The following PELI2 variants were observed in gnomAD, a reference collection of about 807,000 sequenced individuals.
PELI2 encodes the protein E3 ubiquitin-protein ligase pellino homolog 2.
In PELI2, 23 loss-of-function variants were observed where a neutral mutation model predicts 42.3. The ratio of observed to expected loss-of-function variants is 0.54; its 90% CI spans 0.39 to 0.77. The LOEUF (loss-of-function observed/expected upper bound fraction) is 0.77. Ranked by LOEUF, PELI2 falls within the 30% of genes least tolerant of loss-of-function variation. PELI2 has a pLI of 0.00. For missense variants in PELI2, 463 were observed against 553.2 expected (o/e 0.84, Z 1.64); for synonymous variants, 245 against 212.2 (o/e 1.15, Z -1.34).
chr14:56,170,003 A>G (rs1885107678), intron 1 of PELI2, among the ~76,000 whole-genome samples: 1 of 152,196 alleles, frequency 6.6e-6, no homozygotes, highest in Non-Finnish European at 1.5e-5. Context: ...AGGGTGAGCT[A>G]CCTCAAGACT....
chr14:56,129,353 G>A (rs576021050), intron 1 of PELI2, among the ~76,000 whole-genome samples: 7 of 150,880 alleles, frequency 4.6e-5, no homozygotes, highest in Admixed American at 1.3e-4. Context: ...CCTTCTGTGC[G>A]ATGGCAAGGG....
chr14:56,259,224 G>A (rs1888631425), intron 2 of PELI2, among the ~76,000 whole-genome samples: 1 of 152,050 alleles, frequency 6.6e-6, no homozygotes, highest in African/African-American at 2.4e-5. Context: ...AAATGTTAAA[G>A]TTTTTCAGGC....
intron 2 of PELI2, among the ~76,000 whole-genome samples, chr14:56,275,445 T>C (rs1889257844): frequency 6.6e-6 from 1 of 152,314 alleles, no homozygotes; most frequent in South Asian, 2.1e-4. Context: ...CACCATAATA[T>C]AGAATCAGTG....
At chr14:56,146,161 C>T (rs561693202) in intron 1 of PELI2, among the ~76,000 whole-genome samples, 25 of 152,188 alleles carry the variant, frequency 1.6e-4, no homozygotes, top group African/African-American at 4.8e-4. Flanking sequence ...AGTTCTGTGT[C>T]GGAAATGCTG....
At chr14:56,140,170 AT>A (rs1393998086) in intron 1 of PELI2, among the ~76,000 whole-genome samples, 152 of 152,102 alleles carry the variant, frequency 1.0e-3, no homozygotes, top group Non-Finnish European at 2.8e-4. Flanking sequence ...GTGCTGTTAC[AT>A]CTGAAAGGTT....
At chr14:56,196,609 T>C (rs1215545149) in intron 2 of PELI2, among the ~76,000 whole-genome samples, 4 of 152,232 alleles carry the variant, frequency 2.6e-5, no homozygotes, top group African/African-American at 7.2e-5. Flanking sequence ...TACTGCCCAT[T>C]TGAAAAATGG....
In PELI2 at chr14:56,296,826, G is replaced by A; in HGVS notation, c.923G>A (p.Trp308Ter). The A allele has an allele frequency of 6.2e-7, 1 of 1,613,998 alleles. No individual in the cohort carries two copies. Among genetic ancestry groups the A allele is most frequent in the East Asian group, 2.2e-5 (1 of 44,864 alleles). Residue 308 changes from tryptophan to a stop codon, truncating the protein, a stop_gained, in exon 6 of 6, where the codon TGG (tryptophan) becomes TAG (stop). Transcript: ENST00000267460. LOFTEE classifies it high-confidence loss of function. ...RKEVVEEKQP[W>*]AYLSCGHVHG... ...GAGGTGGTGGAGGAGAAGCAGCCCT[G>A]GGCATATCTCAGTTGTGGCCACGTG...
intron 2 of PELI2, among the ~76,000 whole-genome samples, chr14:56,217,747 C>T (rs1030273391): frequency 1.3e-5 from 2 of 152,132 alleles, no homozygotes; most frequent in Admixed American, 1.3e-4. Context: ...AAAATTTTGA[C>T]AGTCATCTCT....
intron 2 of PELI2, among the ~76,000 whole-genome samples, chr14:56,184,652 A>G (rs1196312635): frequency 6.6e-6 from 1 of 152,038 alleles, no homozygotes; most frequent in African/African-American, 2.4e-5. Context: ...TGAATATAAA[A>G]TCTCAGTATT....
intron 2 of PELI2, among the ~76,000 whole-genome samples, chr14:56,217,051 TAAGGA>T (rs1886932188): frequency 7.2e-6 from 1 of 138,064 alleles, no homozygotes; most frequent in South Asian, 2.6e-4. Flanking sequence ...TTAAATACAT[TAAGGA>T]AAGTGTTTCC....
At chr14:56,133,105 T>C (rs1421342748) in intron 1 of PELI2, among the ~76,000 whole-genome samples, 1 of 151,128 alleles carries the variant, frequency 6.6e-6, no homozygotes, top group East Asian at 1.9e-4. Context: ...ATTATTTTCG[T>C]TTTTTTCACT....
intron 2 of PELI2, among the ~76,000 whole-genome samples, chr14:56,238,864 C>A (rs952070860): frequency 1.3e-5 from 2 of 152,072 alleles, no homozygotes; most frequent in Non-Finnish European, 2.9e-5. Context: ...GGGATTTGTT[C>A]AGTGAACTAG....
chr14:56,243,115 T>C (rs542329620), intron 2 of PELI2, among the ~76,000 whole-genome samples: 13 of 152,082 alleles, frequency 8.5e-5, no homozygotes, highest in African/African-American at 2.4e-4. Flanking sequence ...TCTGTCTGGT[T>C]GATTTCTAAT....
intron 2 of PELI2, among the ~76,000 whole-genome samples, chr14:56,270,054 G>A (rs1889044352): frequency 6.6e-6 from 1 of 152,158 alleles, no homozygotes; most frequent in Non-Finnish European, 1.5e-5. Flanking sequence ...CTGATAGATT[G>A]AGCGTGCCTG....
intron 5 of PELI2, among the ~76,000 whole-genome samples, chr14:56,291,727 T>C (rs1237097259): frequency 1.3e-5 from 2 of 152,238 alleles, no homozygotes; most frequent in Non-Finnish European, 1.5e-5. Context: ...GTGCAGACTC[T>C]GCGTTAACAT....
At chr14:56,125,377 C>T (rs958613694) in intron 1 of PELI2, among the ~76,000 whole-genome samples, 5 of 131,480 alleles carry the variant, frequency 3.8e-5, no homozygotes, top group Non-Finnish European at 6.3e-5. Context: ...TGGGAGGAAA[C>T]TAAAGCAGGA....
At position 56,219,099 on chromosome 14, in the gene PELI2, A is replaced by G. The variant is rs1017572278; in HGVS notation, c.207+40635A>G. On this transcript the variant is annotated intron_variant, in intron 2 of 5. Transcript: ENST00000267460. The surrounding 1 kb of genome is among the most constrained non-coding windows in gnomAD (Gnocchi z 4.1). ...AAACAGAACCCTAGGAAGGGAAGGT[A>G]GCTTCAAATACAAGCCATTTTAAGT... Among the ~76,000 whole-genome samples the G allele has an allele frequency of 1.3e-5, 2 of 152,120 alleles. No individual in the cohort carries two copies. Among genetic ancestry groups the G allele is most frequent in the Non-Finnish European group, 2.9e-5 (2 of 68,028 alleles).
rs537215395 is a variant in PELI2, at chr14:56,165,767, C to CAAG, written c.78-12568_78-12567insAAG. ...GGCCCCTTTATCGTTATATAGTGACCGTCTTTGTCTTTTCTTACAGTTTTT... is the reference window on the plus strand; with the variant it reads ...GGCCCCTTTATCGTTATATAGTGACCAAGGTCTTTGTCTTTTCTTACAGTTTTT... On this transcript the variant is annotated intron_variant, in intron 1 of 5. Coordinates refer to ENST00000267460, the MANE Select transcript of PELI2 (RefSeq NM_021255.3). Among the ~76,000 whole-genome samples the CAAG allele has an allele frequency of 4.1e-3, 629 of 152,068 alleles. 4 individuals carry two copies. Among genetic ancestry groups the CAAG allele is most frequent in the African/African-American group, 0.015 (602 of 41,452 alleles).
At chr14:56,124,104 T>C (rs1314913470) in intron 1 of PELI2, among the ~76,000 whole-genome samples, 1 of 152,220 alleles carries the variant, frequency 6.6e-6, no homozygotes, top group Non-Finnish European at 1.5e-5. Flanking sequence ...AATTCAGTTA[T>C]TAGTTCTTAC....
Sources: allele counts gnomAD v4.1 joint callset (sites outside exome capture counted in the v4.1 genomes callset), GRCh38; gene constraint gnomAD v4.1.1; non-coding constraint Gnocchi (gnomAD v3.1); transcripts MANE v1.5; gene names NCBI Gene and HGNC (gene_info 2026-07-23, HGNC 2026-07-21).